INO80: variants seen among roughly 807,000 people sequenced by gnomAD.
The protein encoded by INO80 is INO80 complex ATPase subunit, also known as chromatin-remodeling ATPase INO80.
In INO80, 20 loss-of-function variants were observed where a neutral mutation model predicts 203.4. The ratio of observed to expected loss-of-function variants is 0.10; its 90% confidence interval spans 0.07 to 0.14. INO80 has a LOEUF of 0.14. Among genes scored for constraint, INO80 ranks in the 10% least tolerant of loss-of-function variants. INO80 has a pLI of 1.00. For missense variants in INO80, 1,419 were observed against 1,914.4 expected (o/e 0.74, Z 4.83); for synonymous variants, 726 against 685.2 (o/e 1.06, Z -0.93).
chr15:41,056,239 C>T (rs945584144), intron 17 of INO80, among the ~76,000 whole-genome samples: 22 of 152,164 alleles, frequency 1.4e-4, no homozygotes, highest in African/African-American at 2.2e-4. Context: ...AGCAGCTGCA[C>T]GCAGCCTCTA....
chr15:41,053,826 C>A, intron 19 of INO80, 103 bp downstream of exon 19: 1 of 781,566 alleles, frequency 1.3e-6, no homozygotes, highest in Non-Finnish European at 2.0e-6. Context: ...AAACGTCTTC[C>A]TTCAAGCAAA....
At chr15:41,112,383 T>C (rs2045969984) in intron 1 of INO80, among the ~76,000 whole-genome samples, 4 of 152,198 alleles carry the variant, frequency 2.6e-5, no homozygotes, top group African/African-American at 9.6e-5. Context: ...GTATCTACCA[T>C]ACTCACTGAC....
Position 41,066,257 on chromosome 15 carries a change from C to T in INO80, c.1782+3313G>A, listed in dbSNP as rs143627567. Among the ~76,000 whole-genome samples, 156 of 152,166 alleles carry T rather than the reference C, an allele frequency of 1.0e-3. 1 individual carries two copies. The highest frequency in any genetic ancestry group is 3.5e-3 in the African/African-American group (145 of 41,502). Reference sequence around the variant, plus strand: ...CCTTCCGAAGTGCTGGGATTACAGGCGTGAGCCACCGCACCCGGCCCATTT... The same window carrying T: ...CCTTCCGAAGTGCTGGGATTACAGGTGTGAGCCACCGCACCCGGCCCATTT... On this transcript the variant is annotated intron_variant, in intron 14 of 35. Coordinates refer to ENST00000648947, the MANE Select transcript of INO80 (RefSeq NM_017553.3).
intron 27 of INO80, among the ~76,000 whole-genome samples, chr15:41,012,073 G>A (rs1349925220): frequency 6.6e-6 from 1 of 152,138 alleles, no homozygotes; most frequent in Non-Finnish European, 1.5e-5. Flanking sequence ...AGATGCAATA[G>A]GAATGAAACT....
At chr15:41,062,780 G>C (rs918584814) in intron 14 of INO80, among the ~76,000 whole-genome samples, 2 of 152,104 alleles carry the variant, frequency 1.3e-5, no homozygotes, top group Non-Finnish European at 2.9e-5. Flanking sequence ...CAACAAGAAG[G>C]CCCTTGTGAG....
rs145395470 is a variant in INO80 at position 41,058,521 on chromosome 15, C to T, written c.1985+118G>A. 6.2e-3 allele frequency: 5,846 copies of T among 940,242 alleles called. 35 individuals carry two copies. The highest frequency in any genetic ancestry group is 0.017 in the Middle Eastern group (53 of 3,102). 58.2% of individuals were successfully genotyped at this position (940,242 alleles called of 1,614,324 possible). ...ATTAAAAAAATTAAATAAAACTTCT[C>T]ATATCTTGATTTTATTCATATATAC... On this transcript the variant is annotated intron_variant, in intron 16 of 35. Coordinates refer to ENST00000648947, the MANE Select transcript of INO80 (RefSeq NM_017553.3).
At chr15:41,079,571 T>C in intron 9 of INO80, 130 bp downstream of exon 9, 1 of 792,986 alleles carries the variant, frequency 1.3e-6, no homozygotes, top group Non-Finnish European at 2.0e-6. Flanking sequence ...ACCGCATCTC[T>C]ACCAAAAAAA....
intron 24 of INO80, among the ~76,000 whole-genome samples, chr15:41,030,383 GAC>G (rs1319510328): frequency 6.6e-6 from 1 of 151,986 alleles, no homozygotes; most frequent in Non-Finnish European, 1.5e-5. Context: ...TTATTTTTGG[GAC>G]AGAGTCTTTC....
intron 20 of INO80, among the ~76,000 whole-genome samples, 194 bp downstream of exon 20, chr15:41,049,741 C>A (rs1337133945): frequency 2.0e-5 from 3 of 152,092 alleles, no homozygotes; most frequent in Non-Finnish European, 4.4e-5. Context: ...CAAAAATTAG[C>A]CAGGCGTGGT....
At chr15:41,048,001 T>C (rs550573833) in intron 22 of INO80, among the ~76,000 whole-genome samples, 12 of 152,294 alleles carry the variant, frequency 7.9e-5, no homozygotes, top group Non-Finnish European at 1.2e-4. Flanking sequence ...AAGTCAATAA[T>C]ACTATTTTCT....
intron 11 of INO80, 51 bp downstream of exon 11, chr15:41,073,377 T>G (rs1377738087): frequency 7.0e-6 from 10 of 1,421,128 alleles, no homozygotes; most frequent in Non-Finnish European, 9.0e-6. Context: ...TAAAGGCTTG[T>G]GGGGTATTTC....
chr15:40,988,067 GT>G (rs2043763672), intron 29 of INO80, 93 bp from the exon 30 acceptor site: 4 of 1,017,762 alleles, frequency 3.9e-6, no homozygotes, highest in Non-Finnish European at 5.9e-6. Context: ...CGAGTTTGGC[GT>G]CAGTAGGGTC....
chr15:41,056,616 G>A lies in INO80; in HGVS notation c.2070+6C>T. 1 of 1,605,216 alleles carries A rather than the reference G, an allele frequency of 6.2e-7. No homozygotes were observed. The highest frequency in any genetic ancestry group is 1.1e-5 in the South Asian group (1 of 90,866). ...ATATAAACCTGTGACCTGGACTAGT[G>A]CCTACCTCTGCCATGGTGTTCTGAA... On this transcript the variant is annotated splice_donor_region_variant and intron_variant, in intron 17 of 35. Coordinates refer to ENST00000648947, the MANE Select transcript of INO80 (RefSeq NM_017553.3).
At chr15:41,096,533 G>A (rs555421300) in intron 1 of INO80, among the ~76,000 whole-genome samples, 180 bp from the exon 2 acceptor site, 2 of 152,200 alleles carry the variant, frequency 1.3e-5, no homozygotes, top group African/African-American at 4.8e-5. Context: ...TAAAGCAAAG[G>A]CAGAAGTTAA....
intron 1 of INO80, among the ~76,000 whole-genome samples, chr15:41,100,551 T>C (rs1203297178): frequency 6.6e-6 from 1 of 152,182 alleles, no homozygotes; most frequent in East Asian, 1.9e-4. Context: ...AAATCATCTT[T>C]GCAGCATATC....
intron 28 of INO80, chr15:41,005,320 ATTTCT>A (rs1469376924): frequency 1.9e-5 from 6 of 310,686 alleles, no homozygotes; most frequent in East Asian, 5.7e-5. Context: ...CTTAGAAATG[ATTTCT>A]TTTATTATCC....
intron 9 of INO80, among the ~76,000 whole-genome samples, chr15:41,075,012 C>G (rs939147369): frequency 6.6e-6 from 1 of 152,090 alleles, no homozygotes; most frequent in Admixed American, 6.6e-5. Flanking sequence ...GCTGGGATTA[C>G]AGGCATGAGC....
At chr15:41,088,430 A>G (rs2045591819) in intron 5 of INO80, among the ~76,000 whole-genome samples, 1 of 151,912 alleles carries the variant, frequency 6.6e-6, no homozygotes, top group African/African-American at 2.4e-5. Flanking sequence ...TCTATTAGTC[A>G]TATGTCTGCT....
At chr15:41,032,037 GCAC>G (rs2044491358) in intron 24 of INO80, among the ~76,000 whole-genome samples, 1 of 86,092 alleles carries the variant, frequency 1.2e-5, no homozygotes, top group African/African-American at 4.2e-5. Context: ...GCACAGCACA[GCAC>G]AGCACAGCAC....
Sources: gnomAD v4.1 joint callset for allele counts (sites outside exome capture counted in the v4.1 genomes callset) on GRCh38, gnomAD v4.1.1 for gene constraint, MANE v1.5 for transcripts, NCBI Gene and HGNC (gene_info 2026-07-23, HGNC 2026-07-21) for gene names.